The following SNTA1 variants were observed in gnomAD, a reference collection of about 807,000 sequenced individuals.
SNTA1 encodes the protein syntrophin alpha 1, also known as alpha-1-syntrophin.
A neutral mutation model predicts 47.1 loss-of-function variants in SNTA1; 31 were observed. The ratio of observed to expected loss-of-function variants is 0.66; its 90% CI spans 0.49 to 0.89. The LOEUF (loss-of-function observed/expected upper bound fraction) is 0.89, where lower values mean the gene tolerates loss of function less well. Among genes scored for constraint, SNTA1 ranks in the 40% least tolerant of loss-of-function variants. The probability of loss-of-function intolerance (pLI) is 0.00; values close to 1 mark genes in which losing one functional copy is unlikely to be tolerated. For missense variants in SNTA1, 575 were observed against 693.0 expected (o/e 0.83, Z 1.91); for synonymous variants, 300 against 313.6 (o/e 0.96, Z 0.46).
intron 4 of SNTA1, 30 bp from the exon 5 acceptor site, chr20:33,412,456 G>A (rs1251874621): frequency 6.8e-6 from 11 of 1,609,382 alleles, no homozygotes; most frequent in Non-Finnish European, 9.3e-6. Flanking sequence ...AGTGAGGATG[G>A]GTGGGGGAAG....
chr20:33,436,335 G>A lies in SNTA1; in HGVS notation c.496+2506C>T, dbSNP rs1990439887. 4.6e-5 allele frequency among the ~76,000 whole-genome samples: 7 copies of A among 152,132 alleles called. 1 individual carries two copies. In the South Asian group the frequency reaches 1.4e-3, roughly 31 times the overall value. On this transcript the variant is annotated intron_variant, in intron 2 of 7. Transcript: ENST00000217381. ...CAACAGAAGCTAAAAGAGCTTTCAA[G>A]TCAACTAAAATATGACATTTCGATG...
intron 3 of SNTA1, among the ~76,000 whole-genome samples, chr20:33,413,126 C>T (rs561707291): frequency 9.1e-4 from 139 of 152,314 alleles, no homozygotes; most frequent in African/African-American, 3.3e-3. Context: ...TCCCAAGTAG[C>T]TGGGATTACA....
intron 2 of SNTA1, among the ~76,000 whole-genome samples, chr20:33,420,014 C>G (rs1989981166): frequency 6.6e-6 from 1 of 152,004 alleles, no homozygotes; most frequent in African/African-American, 2.4e-5. Context: ...ACCTCTGCCT[C>G]CCGGGTTCAA....
intron 2 of SNTA1, among the ~76,000 whole-genome samples, chr20:33,428,635 C>T (rs186058687): frequency 2.7e-4 from 41 of 151,672 alleles, no homozygotes; most frequent in African/African-American, 9.9e-4. Context: ...AGTACAGTGG[C>T]ATAATCATAG....
At chr20:33,416,272 G>A (rs571202583) in intron 3 of SNTA1, among the ~76,000 whole-genome samples, 1 of 152,280 alleles carries the variant, frequency 6.6e-6, no homozygotes, top group Non-Finnish European at 1.5e-5. Context: ...CATTTGCTTG[G>A]CATTGAACCT....
intron 1 of SNTA1, among the ~76,000 whole-genome samples, chr20:33,440,193 C>A (rs187848690): frequency 0.014 from 2,078 of 149,232 alleles, 26 homozygotes; most frequent in Non-Finnish European, 0.018. Flanking sequence ...TGGTGGCTCA[C>A]GCCTGTAATC....
intron 6 of SNTA1, among the ~76,000 whole-genome samples, chr20:33,409,374 T>G (rs889198091): frequency 5.9e-5 from 9 of 152,150 alleles, no homozygotes; most frequent in Non-Finnish European, 1.0e-4. Flanking sequence ...ACCAGCAGAT[T>G]GACAAAACTG....
chr20:33,417,741 T>A lies in SNTA1; in HGVS notation c.679A>T (p.Thr227Ser), dbSNP rs756879459. ...LKMAYVSKRC[T>S]PNDPEPRYLE... ...TACCTGGGCTCCGGGTCATTGGGGG[T>A]GCACCTCTTCGAGACATATGCCATC... Residue 227 changes from threonine to serine, a missense_variant, in exon 3 of 8, where the codon ACC becomes TCC. Transcript: ENST00000217381. 1 of 1,613,962 alleles carries A rather than the reference T, an allele frequency of 6.2e-7. No individual in the cohort carries two copies. The highest frequency in any genetic ancestry group is 2.2e-5 in the East Asian group (1 of 44,880).
At position 33,408,455 on chromosome 20, in the gene SNTA1, C is replaced by T; in HGVS notation, c.*52G>A. On this transcript the variant is annotated 3_prime_UTR_variant, in exon 8 of 8. Coordinates refer to ENST00000217381, the MANE Select transcript of SNTA1 (RefSeq NM_003098.3). ...GAGCAGGCAGTCGGTGGAGGCCCAG[C>T]TCAGGCCATGTCATGGACACCCCTC... 2 of 1,335,926 alleles carry T rather than the reference C, an allele frequency of 1.5e-6. No individual in the cohort carries two copies. Among genetic ancestry groups the T allele is most frequent in the Admixed American group, 3.4e-5 (2 of 58,986 alleles). The allele number at this position is 1,335,926 out of a possible 1,614,324, so 82.8% of individuals were successfully genotyped here.
At chr20:33,435,239 G>A (rs1047360427) in intron 2 of SNTA1, among the ~76,000 whole-genome samples, 5 of 148,152 alleles carry the variant, frequency 3.4e-5, no homozygotes, top group African/African-American at 9.9e-5. Flanking sequence ...TGATCCACCC[G>A]CCTCAGCCTC....
At chr20:33,417,266 A>G (rs1343435150) in intron 3 of SNTA1, among the ~76,000 whole-genome samples, 1 of 152,192 alleles carries the variant, frequency 6.6e-6, no homozygotes, top group Admixed American at 6.6e-5. Flanking sequence ...AGGTGGTTTC[A>G]GTATTATCAA....
intron 2 of SNTA1, among the ~76,000 whole-genome samples, chr20:33,420,223 C>T (rs1989987168): frequency 6.6e-6 from 1 of 151,558 alleles, no homozygotes; most frequent in African/African-American, 2.4e-5. Flanking sequence ...TGTGCCCAGC[C>T]TACTTTTTGA....
intron 1 of SNTA1, among the ~76,000 whole-genome samples, chr20:33,439,805 C>T (rs1311324953): frequency 2.0e-5 from 3 of 151,502 alleles, no homozygotes; most frequent in East Asian, 1.9e-4. Flanking sequence ...GCCAACATAG[C>T]GAAATCCTGC....
In SNTA1 at chr20:33,443,420, G is replaced by C. The variant is rs1403481465; in HGVS notation, c.201C>G (p.Ala67=). 3.7e-6 allele frequency: 5 copies of C among 1,339,238 alleles called. No individual in the cohort carries two copies. The highest frequency in any genetic ancestry group is 9.5e-7 in the Non-Finnish European group (1 of 1,052,856). 83.0% of individuals were successfully genotyped at this position (1,339,238 alleles called of 1,614,324 possible). The change falls in exon 1 of 8, where the codon GCC becomes GCG. Residue 67 remains alanine (A), a synonymous_variant. Transcript: ENST00000217381. ...GCGGGGGCCCGGCGCCCGGCTCCGC[G>C]GCGCCGTTGAGCTGCGCGGGCTCCT... ...REQEPAQLNG[A]AEPGAGPPQL... is the part of the protein sequence containing the mutation.
intron 5 of SNTA1, 133 bp from the exon 6 acceptor site, chr20:33,410,464 G>T (rs561851584): frequency 1.7e-5 from 11 of 639,110 alleles, no homozygotes; most frequent in African/African-American, 3.6e-5. Flanking sequence ...CTTGCCAGGG[G>T]GCACTGATTG....
chr20:33,408,765 T>C lies in SNTA1; in HGVS notation c.1361A>G (p.Gln454Arg), dbSNP rs895391388. ...VLLRQPFEKLQMSSDDGASLL... is the reference protein window; with the variant it reads ...VLLRQPFEKLRMSSDDGASLL... The stretch of plus-strand genomic sequence containing the variant: ...ACTGGCACCGTCATCTGAAGACATC[T>C]GCAGCTTCTCGAAGGGCTGTCGCAG... Residue 454 changes from glutamine (Q) to arginine (R), a missense_variant, in exon 7 of 8, where the codon CAG becomes CGG. Transcript: ENST00000217381. 4.3e-6 allele frequency: 7 copies of C among 1,614,052 alleles called. No individual in the cohort carries two copies. Among genetic ancestry groups the C allele is most frequent in the Admixed American group, 3.3e-5 (2 of 59,998 alleles).
intron 1 of SNTA1, among the ~76,000 whole-genome samples, chr20:33,439,298 G>T (rs1990523278): frequency 6.6e-6 from 1 of 152,120 alleles, no homozygotes; most frequent in African/African-American, 2.4e-5. Context: ...GAGGTCAGGA[G>T]TTCAGGATCA....
chr20:33,443,440 G>A lies in SNTA1; in HGVS notation c.181C>T (p.Pro61Ser), dbSNP rs1211814013. 3 of 1,348,076 alleles carry A rather than the reference G, an allele frequency of 2.2e-6. No homozygotes were observed. Among genetic ancestry groups the A allele is most frequent in the Non-Finnish European group, 2.9e-6 (3 of 1,051,854 alleles). The allele number at this position is 1,348,076 out of a possible 1,614,324, so 83.5% of individuals were successfully genotyped here. Residue 61 changes from proline to serine, a missense_variant, in exon 1 of 8, where the codon CCC (proline) becomes TCC (serine). Pro to Ser is a moderately conservative substitution (Grantham distance 74). Coordinates refer to ENST00000217381, the MANE Select transcript of SNTA1 (RefSeq NM_003098.3). ...PEPGAPREQE[P>S]AQLNGAAEPG... ...TCCGCGGCGCCGTTGAGCTGCGCGG[G>A]CTCCTGCTCCCGCGGAGCGCCGGGC...
At chr20:33,409,845 G>A (rs1251129918) in intron 6 of SNTA1, among the ~76,000 whole-genome samples, 4 of 152,056 alleles carry the variant, frequency 2.6e-5, no homozygotes, top group African/African-American at 9.7e-5. Context: ...TGGCCAGGCT[G>A]GTCTCAAACT....
Sources: gnomAD v4.1 joint callset for allele counts (sites outside exome capture counted in the v4.1 genomes callset) on GRCh38, gnomAD v4.1.1 for gene constraint, MANE v1.5 for transcripts, NCBI Gene and HGNC (gene_info 2026-07-23, HGNC 2026-07-21) for gene names.